Variants in PPP3CA observed in about 807,000 individuals in gnomAD.
PPP3CA encodes the protein CAM-PRP catalytic subunit.
A neutral mutation model predicts 66.5 loss-of-function variants in PPP3CA; 14 were observed. The observed-to-expected ratio is 0.21, with a 90% CI of 0.14 to 0.33. PPP3CA has a LOEUF of 0.33. Ranked by LOEUF, PPP3CA falls within the 10% of genes least tolerant of loss-of-function variation. PPP3CA has a pLI of 1.00. For missense variants in PPP3CA, 317 were observed against 639.5 expected (o/e 0.50, Z 5.44); for synonymous variants, 232 against 226.2 (o/e 1.03, Z -0.23).
chr4:101,346,183 C>CAGGAGG (rs1729984553), intron 1 of PPP3CA, among the ~76,000 whole-genome samples: 1 of 151,732 alleles, frequency 6.6e-6, no homozygotes, highest in African/African-American at 2.4e-5. Context: ...CAGGCCCTTC[C>CAGGAGG]AGGGGGAGGG....
At chr4:101,338,595 T>G (rs1236674257) in intron 1 of PPP3CA, among the ~76,000 whole-genome samples, 1 of 152,196 alleles carries the variant, frequency 6.6e-6, no homozygotes, top group Non-Finnish European at 1.5e-5. Context: ...AGGAAACAAG[T>G]CATCACAGCA....
intron 6 of PPP3CA, among the ~76,000 whole-genome samples, chr4:101,083,508 T>C (rs1158941209): frequency 6.6e-6 from 1 of 152,142 alleles, no homozygotes; most frequent in Non-Finnish European, 1.5e-5. Flanking sequence ...ACATAAGCCA[T>C]TATAAAACAT....
chr4:101,179,625 A>C (rs1424844175), intron 2 of PPP3CA, among the ~76,000 whole-genome samples: 1 of 152,162 alleles, frequency 6.6e-6, no homozygotes, highest in African/African-American at 2.4e-5. Flanking sequence ...ACTGCCATCA[A>C]GGTGACACCA....
intron 5 of PPP3CA, 69 bp downstream of exon 5, chr4:101,098,298 G>T: frequency 1.4e-6 from 2 of 1,431,254 alleles, no homozygotes; most frequent in South Asian, 1.5e-5. Flanking sequence ...TAAAGGCAGG[G>T]TAATTAATGT....
chr4:101,236,543 CT>C (rs755637940), intron 1 of PPP3CA, among the ~76,000 whole-genome samples: 12 of 151,926 alleles, frequency 7.9e-5, no homozygotes, highest in Non-Finnish European at 1.5e-4. Context: ...TCTCTCTATG[CT>C]GTGTGGACAA....
chr4:101,228,169 T>G (rs540057695), intron 1 of PPP3CA, among the ~76,000 whole-genome samples: 1 of 151,870 alleles, frequency 6.6e-6, no homozygotes, highest in African/African-American at 2.4e-5. Context: ...CACTTATGTT[T>G]CAACGAATGT....
chr4:101,209,088 A>G lies in PPP3CA; in HGVS notation c.59-12972T>C, dbSNP rs562869885. 2.6e-4 allele frequency among the ~76,000 whole-genome samples: 39 copies of G among 152,300 alleles called. No homozygotes were observed. In the Middle Eastern group the frequency reaches 0.01, roughly 40 times the overall value. Reference sequence around the variant, plus strand: ...TTCAAAACAAACTGTTCAATAGCTCATGATTTTTGAGAATATTTATATTTG... The same window carrying G: ...TTCAAAACAAACTGTTCAATAGCTCGTGATTTTTGAGAATATTTATATTTG... On this transcript the variant is annotated intron_variant, in intron 1 of 13. Coordinates refer to ENST00000394854, the MANE Select transcript of PPP3CA (RefSeq NM_000944.5).
At chr4:101,224,689 A>C (rs935796441) in intron 1 of PPP3CA, among the ~76,000 whole-genome samples, 1 of 151,848 alleles carries the variant, frequency 6.6e-6, no homozygotes, top group Non-Finnish European at 1.5e-5. Context: ...AAGTCTTCTG[A>C]AATTCAATAT....
At chr4:101,244,591 C>T (rs961723301) in intron 1 of PPP3CA, among the ~76,000 whole-genome samples, 1 of 152,158 alleles carries the variant, frequency 6.6e-6, no homozygotes, top group Non-Finnish European at 1.5e-5. Context: ...CGCCCTCCCC[C>T]GTGGTAGACA....
intron 6 of PPP3CA, among the ~76,000 whole-genome samples, chr4:101,088,584 C>CAAAAAAAAAA (rs1174497803): frequency 2.8e-5 from 1 of 35,746 alleles, no homozygotes; most frequent in Non-Finnish European, 6.5e-5. Flanking sequence ...GACTCCATCT[C>CAAAAAAAAAA]AAAAAAAAAA....
chr4:101,186,595 T>C (rs2110180522), intron 2 of PPP3CA, among the ~76,000 whole-genome samples: 1 of 152,302 alleles, frequency 6.6e-6, no homozygotes. Context: ...CATTTTCTTC[T>C]TTCTAATTGA....
At position 101,347,300 on chromosome 4, in the gene PPP3CA, C is replaced by T; in HGVS notation, c.-504G>A. 4.9e-6 allele frequency: 1 copy of T among 204,150 alleles called. No homozygotes were observed. Among genetic ancestry groups the T allele is most frequent in the Non-Finnish European group, 9.6e-6 (1 of 104,262 alleles). 12.6% of individuals were successfully genotyped at this position (204,150 alleles called of 1,614,324 possible). A position where few individuals can be genotyped will look rare whatever the true frequency, so the allele number is the denominator to read the frequency against. ...GCCACCAGCCGCACCTTGGCGTCCC[C>T]GGCGGCGGAGAGGCGGCCGCCGCTG... On this transcript the variant is annotated 5_prime_UTR_variant, in exon 1 of 14. Coordinates refer to ENST00000394854, the MANE Select transcript of PPP3CA (RefSeq NM_000944.5).
At chr4:101,115,804 A>T (rs1388923746) in intron 2 of PPP3CA, among the ~76,000 whole-genome samples, 1 of 151,978 alleles carries the variant, frequency 6.6e-6, no homozygotes, top group African/African-American at 2.4e-5. Flanking sequence ...CCTGTATGAA[A>T]GGGAAATCCG....
rs1470118306 is a variant in PPP3CA at position 101,023,829 on chromosome 4, A to G, written c.*2036T>C. On this transcript the variant is annotated 3_prime_UTR_variant, in exon 14 of 14. Transcript: ENST00000394854. Reference sequence around the variant, plus strand: ...ATAAAACAAAGTGCACTAAAGATGAACAATGTTACAAACAAACTGAAATTT... The same window carrying G: ...ATAAAACAAAGTGCACTAAAGATGAGCAATGTTACAAACAAACTGAAATTT... 1 of 152,684 alleles carries G rather than the reference A, an allele frequency of 6.5e-6. No homozygotes were observed. Among genetic ancestry groups the G allele is most frequent in the East Asian group, 1.9e-4 (1 of 5,208 alleles). 9.5% of individuals were successfully genotyped at this position (152,684 alleles called of 1,614,324 possible).
intron 2 of PPP3CA, among the ~76,000 whole-genome samples, chr4:101,116,590 A>T (rs1005662384): frequency 1.3e-5 from 2 of 151,856 alleles, no homozygotes; most frequent in African/African-American, 4.8e-5. Context: ...TCAAGTACAA[A>T]CCAGCTAGCC....
intron 4 of PPP3CA, among the ~76,000 whole-genome samples, chr4:101,099,034 TAG>T (rs1730327115): frequency 6.6e-6 from 1 of 152,258 alleles, no homozygotes; most frequent in East Asian, 1.9e-4. Context: ...TTGATATGTA[TAG>T]AGAGATTCCC....
intron 1 of PPP3CA, among the ~76,000 whole-genome samples, chr4:101,332,256 G>A (rs1175644725): frequency 1.3e-5 from 2 of 152,188 alleles, no homozygotes; most frequent in Non-Finnish European, 2.9e-5. Context: ...AGATGTGCCA[G>A]TGATCAGCCT....
intron 1 of PPP3CA, among the ~76,000 whole-genome samples, chr4:101,279,588 A>G (rs58598913): frequency 0.039 from 6,000 of 152,302 alleles, 379 homozygotes; most frequent in African/African-American, 0.13. Flanking sequence ...TTGTATCAGA[A>G]TAAGTACAGC....
At chr4:101,155,534 G>C (rs1316950127) in intron 2 of PPP3CA, among the ~76,000 whole-genome samples, 1 of 152,162 alleles carries the variant, frequency 6.6e-6, no homozygotes, top group Non-Finnish European at 1.5e-5. Flanking sequence ...TGACTCAGAG[G>C]GTAGCTAGCC....
Sources: allele counts gnomAD v4.1 joint callset (sites outside exome capture counted in the v4.1 genomes callset), GRCh38; gene constraint gnomAD v4.1.1; transcripts MANE v1.5; gene names NCBI Gene and HGNC (gene_info 2026-07-23, HGNC 2026-07-21).